The following GBF1 variants were observed in gnomAD, a reference collection of about 807,000 sequenced individuals.
GBF1 encodes golgi brefeldin A resistant guanine nucleotide exchange factor 1.
A neutral mutation model predicts 210.5 loss-of-function variants in GBF1; 114 were observed. That is an observed-to-expected ratio of 0.54 (90% CI 0.47 to 0.63). GBF1 has a LOEUF of 0.63. Ranked by LOEUF, GBF1 falls within the 30% of genes least tolerant of loss-of-function variation. GBF1 has a pLI of 0.00. For missense variants in GBF1, 1,851 were observed against 2,357.7 expected, an observed-to-expected ratio of 0.79 and a Z score of 4.45; for synonymous variants, 850 against 889.2, an observed-to-expected ratio of 0.96 and a Z score of 0.78.
In GBF1 at chr10:102,363,507, C is replaced by A; in HGVS notation, c.2017+111C>A. The A allele has an allele frequency of 9.2e-7, 1 of 1,082,114 alleles. No homozygotes were observed. The highest frequency in any genetic ancestry group is 1.4e-6 in the Non-Finnish European group (1 of 734,146). The allele number at this position is 1,082,114 out of a possible 1,614,324, so 67.0% of individuals were successfully genotyped here. On this transcript the variant is annotated intron_variant, in intron 16 of 39. Transcript: ENST00000369983. This position sits in a 1 kb window ranked among gnomAD's most constrained non-coding sequence, Gnocchi z 4.2. ...TAACTAAGCAAGCCTTGGTAGCCCG[C>A]CTCGCCTTCAGACTCAGAGAGAGGG...
intron 3 of GBF1, among the ~76,000 whole-genome samples, chr10:102,323,586 T>C (rs1368556708): frequency 1.3e-5 from 2 of 151,630 alleles, no homozygotes; most frequent in African/African-American, 4.8e-5. Flanking sequence ...TTTTTTTTTT[T>C]TTTTCCTTTA....
In GBF1 at chr10:102,375,349, C is replaced by T; in HGVS notation, c.3661-10C>T. On this transcript the variant is annotated splice_polypyrimidine_tract_variant and intron_variant, in intron 29 of 39. Coordinates refer to ENST00000369983, the MANE Select transcript of GBF1 (RefSeq NM_001377137.1). ...CCGCTTCCCCGCTCCCTGCCCTAAC[C>T]CCACTCCAGGTGCTGCTCTCCCTGC... is the stretch of plus-strand genomic sequence containing the variant. 1.3e-6 allele frequency: 2 copies of T among 1,558,948 alleles called. No homozygotes were observed. The highest frequency in any genetic ancestry group is 1.8e-6 in the Non-Finnish European group (2 of 1,129,936).
At chr10:102,371,200 A>G (rs775715866) in intron 29 of GBF1, among the ~76,000 whole-genome samples, 3 of 152,248 alleles carry the variant, frequency 2.0e-5, no homozygotes, top group Non-Finnish European at 4.4e-5. Flanking sequence ...AACAACAAGC[A>G]TAGAACTAAT....
intron 3 of GBF1, among the ~76,000 whole-genome samples, chr10:102,280,087 G>A (rs188855316): frequency 2.5e-4 from 38 of 151,878 alleles, no homozygotes; most frequent in Middle Eastern, 3.4e-3. Context: ...TGGCACCACT[G>A]CACTCTAGCC....
At chr10:102,331,921 G>A (rs947646259) in intron 3 of GBF1, among the ~76,000 whole-genome samples, 11 of 146,768 alleles carry the variant, frequency 7.5e-5, no homozygotes, top group South Asian at 4.3e-4. Context: ...GTGCAGTGGC[G>A]CAGTCTTGGC....
chr10:102,239,334 A>G, the GBF1 span, among the ~76,000 whole-genome samples: 2 of 152,180 alleles, frequency 1.3e-5, no homozygotes, highest in Non-Finnish European at 2.9e-5. Context: ...GCAAAAGCCA[A>G]CTTTGAGCTA....
chr10:102,362,922 G>T (rs1406555459), intron 15 of GBF1, among the ~76,000 whole-genome samples: 1 of 152,148 alleles, frequency 6.6e-6, no homozygotes, highest in African/African-American at 2.4e-5. Flanking sequence ...AGAGATTAAA[G>T]AATATAGGAT....
intron 3 of GBF1, among the ~76,000 whole-genome samples, chr10:102,333,556 C>G (rs2057495314): frequency 6.6e-6 from 1 of 151,794 alleles, no homozygotes; most frequent in Admixed American, 6.6e-5. Flanking sequence ...CCTCAGCTTC[C>G]TGAGTAGCCA....
intron 3 of GBF1, among the ~76,000 whole-genome samples, chr10:102,281,666 A>G (rs962487175): frequency 6.6e-6 from 1 of 150,802 alleles, no homozygotes; most frequent in Non-Finnish European, 1.5e-5. Flanking sequence ...AGAAGTTCTC[A>G]TCTATCCAAT....
At chr10:102,357,171 T>A (rs2059338390) in intron 8 of GBF1, among the ~76,000 whole-genome samples, 1 of 152,106 alleles carries the variant, frequency 6.6e-6, no homozygotes, top group South Asian at 2.1e-4. Context: ...TTGACCAATC[T>A]GATACAGAAA....
chr10:102,287,352 T>C (rs1322934716), intron 3 of GBF1, among the ~76,000 whole-genome samples: 106 of 69,216 alleles, frequency 1.5e-3, no homozygotes, highest in African/African-American at 2.7e-3. Flanking sequence ...TTCTTTTTTT[T>C]TTTTTTTTTT....
At chr10:102,285,362 C>G (rs1044026491) in intron 3 of GBF1, among the ~76,000 whole-genome samples, 4 of 152,202 alleles carry the variant, frequency 2.6e-5, no homozygotes, top group Non-Finnish European at 5.9e-5. Context: ...GAATAACCTT[C>G]TGGGGAGGGA....
intron 14 of GBF1, 140 bp from the exon 15 acceptor site, chr10:102,362,335 C>T: frequency 1.6e-6 from 1 of 631,088 alleles, no homozygotes; most frequent in East Asian, 2.7e-5. Flanking sequence ...GGATTACAGG[C>T]ATGAGCCACC....
chr10:102,293,903 G>T (rs2076690610), intron 3 of GBF1, among the ~76,000 whole-genome samples: 2 of 150,688 alleles, frequency 1.3e-5, no homozygotes, highest in South Asian at 2.1e-4. Flanking sequence ...TCAGCTTCCC[G>T]AGTAGCTGGG....
intron 3 of GBF1, among the ~76,000 whole-genome samples, chr10:102,278,039 T>C (rs1310607872): frequency 2.0e-5 from 3 of 152,142 alleles, no homozygotes; most frequent in Non-Finnish European, 4.4e-5. Flanking sequence ...GGAGGGTTGC[T>C]TGAGGCCAGG....
intron 3 of GBF1, among the ~76,000 whole-genome samples, chr10:102,332,753 G>A (rs1172201587): frequency 1.3e-5 from 2 of 152,068 alleles, no homozygotes; most frequent in Admixed American, 1.3e-4. Context: ...TGGATCTATG[G>A]ATCCTGATTT....
intron 3 of GBF1, among the ~76,000 whole-genome samples, chr10:102,300,029 A>AG (rs1319766956): frequency 1.3e-5 from 2 of 152,198 alleles, no homozygotes; most frequent in African/African-American, 4.8e-5. Flanking sequence ...CTGTTGAGTC[A>AG]GGTGGAGTAT....
At chr10:102,244,510 G>C (rs550271881), upstream of GBF1, among the ~76,000 whole-genome samples, 52 of 152,282 alleles carry the variant, frequency 3.4e-4, no homozygotes, top group African/African-American at 1.2e-3. Context: ...GCAAGGGGAG[G>C]AGGCAGCTGG....
intron 3 of GBF1, among the ~76,000 whole-genome samples, chr10:102,329,808 G>C (rs2057198558): frequency 6.6e-6 from 1 of 151,442 alleles, no homozygotes; most frequent in Admixed American, 6.6e-5. Flanking sequence ...AATATATCTA[G>C]TAGTAAACTT....
Sources: gnomAD v4.1 joint callset for allele counts (sites outside exome capture counted in the v4.1 genomes callset) on GRCh38, gnomAD v4.1.1 for gene constraint, Gnocchi (gnomAD v3.1) non-coding constraint, MANE v1.5 for transcripts, NCBI Gene and HGNC (gene_info 2026-07-23, HGNC 2026-07-21) for gene names.